DNAH6: variants seen among roughly 807,000 people sequenced by gnomAD.
DNAH6 encodes the protein dynein axonemal heavy chain 6.
A neutral mutation model predicts 491.4 loss-of-function variants in DNAH6; 340 were observed. That is an observed-to-expected ratio of 0.69 (90% CI 0.63 to 0.76). The LOEUF (loss-of-function observed/expected upper bound fraction) is 0.76. Ranked by LOEUF, DNAH6 falls within the 30% of genes least tolerant of loss-of-function variation. The pLI, the probability that DNAH6 is intolerant of heterozygous loss-of-function variation, is 0.00. For synonymous variants in DNAH6, 1,603 were observed against 1,686.1 expected (o/e 0.95, Z 1.21); for missense variants, 4,443 against 4,972.2 (o/e 0.89, Z 3.20).
intron 57 of DNAH6, among the ~76,000 whole-genome samples, 198 bp downstream of exon 57, chr2:84,713,457 A>G (rs1697243352): frequency 6.6e-6 from 1 of 152,028 alleles, no homozygotes; most frequent in Admixed American, 6.5e-5. Context: ...CACCCTTGTC[A>G]TCACCATCTA....
At chr2:84,723,981 G>A (rs926257956) in intron 60 of DNAH6, among the ~76,000 whole-genome samples, 1 of 152,190 alleles carries the variant, frequency 6.6e-6, no homozygotes, top group African/African-American at 2.4e-5. Flanking sequence ...TGCATCAGAG[G>A]TTCTCTCAGG....
Position 84,808,105 on chromosome 2 carries a change from T to C in DNAH6, c.11612-310T>C, listed in dbSNP as rs186040564. On this transcript the variant is annotated intron_variant, in intron 71 of 76. Coordinates refer to ENST00000389394, the MANE Select transcript of DNAH6 (RefSeq NM_001370.2). ...GAAGAAACAAAATGCAATGGTTTAA[T>C]GTTTGAGAAAAAAAAGTGTATATAT... Among the ~76,000 whole-genome samples, 469 of 150,426 alleles carry C rather than the reference T, an allele frequency of 3.1e-3. 4 individuals carry two copies. The highest frequency in any genetic ancestry group is 0.011 in the African/African-American group (458 of 40,752).
intron 63 of DNAH6, among the ~76,000 whole-genome samples, chr2:84,747,942 G>C (rs1673124075): frequency 6.6e-6 from 1 of 152,162 alleles, no homozygotes; most frequent in African/African-American, 2.4e-5. Context: ...GGAGCCCTCT[G>C]AGCCAAGGGT....
At chr2:84,751,363 C>T (rs1193890513) in intron 63 of DNAH6, 1 of 152,210 alleles carries the variant, frequency 6.6e-6, no homozygotes, top group Admixed American at 6.5e-5. Flanking sequence ...ACCAGTGCCT[C>T]TATATGGTGG....
In DNAH6 at chr2:84,685,306, T is replaced by C; in HGVS notation, c.6917-20T>C. The stretch of plus-strand genomic sequence containing the variant: ...AAATGTAGAATTTTTCTTTTTTTTT[T>C]TCCTTTTCTTAAAAAACAGGTATCC... On this transcript the variant is annotated intron_variant, in intron 42 of 76. Transcript: ENST00000389394. 1.4e-6 allele frequency: 2 copies of C among 1,435,298 alleles called. No homozygotes were observed. The highest frequency in any genetic ancestry group is 1.5e-5 in the South Asian group (1 of 67,622). 88.9% of individuals were successfully genotyped at this position (1,435,298 alleles called of 1,614,324 possible). A position where few individuals can be genotyped will look rare whatever the true frequency, so the allele number is the denominator to read the frequency against.
intron 54 of DNAH6, among the ~76,000 whole-genome samples, chr2:84,708,228 A>G (rs1696660992): frequency 6.6e-6 from 1 of 152,032 alleles, no homozygotes; most frequent in Non-Finnish European, 1.5e-5. Context: ...ACCTGAGGTC[A>G]GGAGTTCAAG....
rs183906661 is a variant in DNAH6 at position 84,616,019 on chromosome 2, T to C, written c.3476-867T>C. On this transcript the variant is annotated intron_variant, in intron 22 of 76. Coordinates refer to ENST00000389394, the MANE Select transcript of DNAH6 (RefSeq NM_001370.2). ...TTGAGGATTCCTTTTGGAGTTGATT[T>C]CCAATTTTATTCCACTGTGGTCTGA... 1.8e-4 allele frequency among the ~76,000 whole-genome samples: 27 copies of C among 152,226 alleles called. 1 individual carries two copies. The highest frequency in any genetic ancestry group is 1.7e-3 in the Admixed American group (26 of 15,270).
At chr2:84,693,554 T>A (rs531326237) in intron 45 of DNAH6, among the ~76,000 whole-genome samples, 1 of 151,998 alleles carries the variant, frequency 6.6e-6, no homozygotes, top group South Asian at 2.1e-4. Context: ...CCATCCTGGC[T>A]AAGACGGTGA....
In DNAH6 at chr2:84,734,391, C is replaced by T. The variant is rs575967644; in HGVS notation, c.10342+812C>T. Among the ~76,000 whole-genome samples, 21 of 152,086 alleles carry T rather than the reference C, an allele frequency of 1.4e-4. No homozygotes were observed. The East Asian group carries it at 1.7e-3, about 13-fold the overall frequency. ...TCCTGACCTCATGATCCGCCTGCCT[C>T]GGCCTCCCAAAGTGCTGGGAAAAAC... On this transcript the variant is annotated intron_variant, in intron 62 of 76. Transcript: ENST00000389394.
At chr2:84,672,561 A>C in intron 40 of DNAH6, 77 bp downstream of exon 40, 2 of 1,345,518 alleles carry the variant, frequency 1.5e-6, no homozygotes, top group South Asian at 1.5e-5. Context: ...TTGTGAGACT[A>C]CCATAACAAA....
At chr2:84,520,951 TG>T (rs915224423) in intron 2 of DNAH6, among the ~76,000 whole-genome samples, 1 of 152,106 alleles carries the variant, frequency 6.6e-6, no homozygotes, top group Non-Finnish European at 1.5e-5. Flanking sequence ...CTGGCTCGAA[TG>T]GGAGTTCTGC....
rs57645053 is a variant in DNAH6 at position 84,614,010 on chromosome 2, TTTTATTTA to T, written c.3475+2176_3475+2183del. Among the ~76,000 whole-genome samples the T allele has an allele frequency of 2.0e-3, 308 of 151,364 alleles. 2 individuals are homozygous for T. Among genetic ancestry groups the T allele is most frequent in the African/African-American group, 6.9e-3 (281 of 40,928 alleles). On this transcript the variant is annotated intron_variant, in intron 22 of 76. Transcript: ENST00000389394. ...AAAAGACCATACCACTGCCATTCCA[TTTTATTTA>T]TTTATTTATTTATTTATTTTTATTT...
At chr2:84,508,697 G>A in the DNAH6 span, among the ~76,000 whole-genome samples, 10 of 151,968 alleles carry the variant, frequency 6.6e-5, no homozygotes, top group Middle Eastern at 3.4e-3. Context: ...TTCTCTTATG[G>A]GCATTTAGTG....
At chr2:84,474,422 GGCTCAACAATGGCT>G in the DNAH6 span, among the ~76,000 whole-genome samples, 4 of 150,098 alleles carry the variant, frequency 2.7e-5, no homozygotes, top group Non-Finnish European at 4.4e-5. Flanking sequence ...GGGAGCCAGA[GGCTCAACAATGGCT>G]GCTTCTAAAA....
chr2:84,631,138 G>A (rs907359924), intron 29 of DNAH6, among the ~76,000 whole-genome samples: 1 of 152,100 alleles, frequency 6.6e-6, no homozygotes, highest in African/African-American at 2.4e-5. Flanking sequence ...TTGCTTCTCC[G>A]GTTGAACACA....
chr2:84,625,144 G>A (rs1687743369), intron 29 of DNAH6, 81 bp downstream of exon 29: 1 of 1,276,032 alleles, frequency 7.8e-7, no homozygotes, highest in Admixed American at 3.1e-5. Context: ...ACAAAATAAG[G>A]CAAGAATGGA....
intron 9 of DNAH6, among the ~76,000 whole-genome samples, chr2:84,552,457 T>C (rs1037402129): frequency 4.6e-5 from 7 of 152,182 alleles, no homozygotes; most frequent in African/African-American, 1.7e-4. Context: ...AATAAGGAGG[T>C]GAATTCATCA....
the DNAH6 span, among the ~76,000 whole-genome samples, chr2:84,468,677 C>T: frequency 6.6e-6 from 1 of 152,156 alleles, no homozygotes; most frequent in Non-Finnish European, 1.5e-5. Flanking sequence ...CCTGGATTGC[C>T]ACTGTGAAAG....
At chr2:84,471,360 C>T in the DNAH6 span, among the ~76,000 whole-genome samples, 2 of 152,184 alleles carry the variant, frequency 1.3e-5, no homozygotes, top group Non-Finnish European at 2.9e-5. Flanking sequence ...AAAATGGAGT[C>T]GCTCTGGTTT....
Sources: gnomAD v4.1 joint callset for allele counts (sites outside exome capture counted in the v4.1 genomes callset) on GRCh38, gnomAD v4.1.1 for gene constraint, MANE v1.5 for transcripts, NCBI Gene and HGNC (gene_info 2026-07-23, HGNC 2026-07-21) for gene names.